The following TENT2 variants were observed in gnomAD, a reference collection of about 807,000 sequenced individuals.
The protein encoded by TENT2 is poly(A) RNA polymerase GLD2.
Under a neutral mutation model 72.2 loss-of-function variants are expected in TENT2, and 44 were observed. The observed-to-expected ratio is 0.61, with a 90% CI of 0.48 to 0.78. The LOEUF (loss-of-function observed/expected upper bound fraction) is 0.78, where lower values mean the gene tolerates loss of function less well. Among genes scored for constraint, TENT2 ranks in the 30% least tolerant of loss-of-function variants. The pLI is 0.00. For missense variants in TENT2, 541 were observed against 569.6 expected (o/e 0.95, Z 0.51); for synonymous variants, 212 against 192.5 (o/e 1.10, Z -0.84).
chr5:79,613,874 G>A (rs1467469264), intron 1 of TENT2: 1 of 152,150 alleles, frequency 6.6e-6, no homozygotes, highest in Non-Finnish European at 1.5e-5. Flanking sequence ...GATATCAAAG[G>A]TATTTGGACA....
Position 79,612,584 on chromosome 5 carries a change from C to A in TENT2, c.-529C>A, listed in dbSNP as rs1158204604. 1 of 153,172 alleles carries A rather than the reference C, an allele frequency of 6.5e-6. No individual in the cohort carries two copies. The highest frequency in any genetic ancestry group is 2.4e-5 in the African/African-American group (1 of 41,434). 9.5% of individuals were successfully genotyped at this position (153,172 alleles called of 1,614,324 possible). ...CCCTACCTTTTCTTGTGTTGCTCCTCCCCTGGCAGCCGTGAGGGGGGTTAG... is the reference window on the plus strand; with the variant it reads ...CCCTACCTTTTCTTGTGTTGCTCCTACCCTGGCAGCCGTGAGGGGGGTTAG... On this transcript the variant is annotated 5_prime_UTR_variant, in exon 1 of 15. Coordinates refer to ENST00000453514, the MANE Select transcript of TENT2 (RefSeq NM_001114394.3).
Position 79,620,093 on chromosome 5 carries a change from T to A in TENT2, c.227+10T>A. On this transcript the variant is annotated intron_variant, in intron 3 of 14. Transcript: ENST00000453514. Reference sequence around the variant, plus strand: ...TATTTCGAGGAAGGAAGTAAGTACTTCTTAATTATTTTAAAAGAATATTTT... The same window carrying A: ...TATTTCGAGGAAGGAAGTAAGTACTACTTAATTATTTTAAAAGAATATTTT... 1 of 1,552,710 alleles carries A rather than the reference T, an allele frequency of 6.4e-7. No homozygotes were observed. The highest frequency in any genetic ancestry group is 8.9e-7 in the Non-Finnish European group (1 of 1,128,958).
At chr5:79,619,045 G>A (rs1762694580) in intron 1 of TENT2, among the ~76,000 whole-genome samples, 1 of 152,170 alleles carries the variant, frequency 6.6e-6, no homozygotes, top group Non-Finnish European at 1.5e-5. Flanking sequence ...CTGGATCAGT[G>A]AAGGATTCTG....
intron 12 of TENT2, among the ~76,000 whole-genome samples, chr5:79,669,995 G>A (rs537427729): frequency 1.3e-5 from 2 of 151,940 alleles, no homozygotes; most frequent in African/African-American, 4.8e-5. Flanking sequence ...TTGGGAGGCC[G>A]AGGCAGGTGA....
intron 4 of TENT2, among the ~76,000 whole-genome samples, chr5:79,634,417 A>G (rs1055958974): frequency 6.6e-6 from 1 of 151,904 alleles, no homozygotes; most frequent in African/African-American, 2.4e-5. Context: ...ACTCACTGCA[A>G]CCTCTGCCTC....
rs112573431 is a variant in TENT2, at chr5:79,683,076, C to G, written c.1380+1015C>G. Among the ~76,000 whole-genome samples the G allele has an allele frequency of 4.7e-3, 713 of 151,942 alleles. 12 individuals are homozygous for G. Among genetic ancestry groups the G allele is most frequent in the African/African-American group, 0.016 (677 of 41,420 alleles). ...ATGAGTATCACTGGAACCAGGAGTT[C>G]GAGGCTGCAGTGGGCTATTATCAAG... On this transcript the variant is annotated intron_variant, in intron 14 of 14. Coordinates refer to ENST00000453514, the MANE Select transcript of TENT2 (RefSeq NM_001114394.3).
chr5:79,660,065 A>C (rs925216611), intron 11 of TENT2, among the ~76,000 whole-genome samples: 1 of 152,148 alleles, frequency 6.6e-6, no homozygotes, highest in Non-Finnish European at 1.5e-5. Flanking sequence ...CAGTTTTGGA[A>C]TGGAATAAAT....
rs1791220899 is a variant in TENT2 at position 79,648,804 on chromosome 5, C to T, written c.898+111C>T. The T allele has an allele frequency of 4.5e-6, 4 of 879,200 alleles. No individual in the cohort carries two copies. In the East Asian group the frequency reaches 1.1e-4, roughly 23 times the overall value. The allele number at this position is 879,200 out of a possible 1,614,324, so 54.5% of individuals were successfully genotyped here. ...TTAGTTGTGTTTAAGTATAGTGTAT[C>T]TTATTTTATTTGTATATGTTGCTAC... On this transcript the variant is annotated intron_variant, in intron 9 of 14. Transcript: ENST00000453514.
At position 79,679,668 on chromosome 5, in the gene TENT2, A is replaced by T; in HGVS notation, c.1298A>T (p.Glu433Val). The T allele has an allele frequency of 6.5e-7, 1 of 1,545,922 alleles. No individual in the cohort carries two copies. The highest frequency in any genetic ancestry group is 8.8e-7 in the Non-Finnish European group (1 of 1,142,764). ...TGGAGAAATAAATACATCTGTGTAGAAGGTAGTTTTCTGTTTACCATCTAC... is the reference window on the plus strand; with the variant it reads ...TGGAGAAATAAATACATCTGTGTAGTAGGTAGTTTTCTGTTTACCATCTAC... ...IEWRNKYICV[E>V]EPFDGTNTAR... The change falls in exon 13 of 15, where the codon GAA (glutamate) becomes GTA (valine). Residue 433 changes from glutamate (E) to valine (V), a missense_variant and splice_region_variant. Coordinates refer to ENST00000453514, the MANE Select transcript of TENT2 (RefSeq NM_001114394.3).
chr5:79,673,655 C>CT (rs940057575), intron 12 of TENT2, among the ~76,000 whole-genome samples: 1 of 151,960 alleles, frequency 6.6e-6, no homozygotes, highest in African/African-American at 2.4e-5. Context: ...GTCTATGTGT[C>CT]TGTTTTTATG....
Position 79,623,427 on chromosome 5 carries a change from C to T in TENT2, c.403C>T (p.Pro135Ser). ...ACCAGATATAGTCAGATGTGTTCCACCTTTTCGAGAAATTGCATTTTTAGA... is the reference window on the plus strand; with the variant it reads ...ACCAGATATAGTCAGATGTGTTCCATCTTTTCGAGAAATTGCATTTTTAGA... ...YVPDIVRCVP[P>S]FREIAFLEPR... The change falls in exon 4 of 15, where the codon CCT becomes TCT. Residue 135 changes from proline to serine, a missense_variant. Transcript: ENST00000453514. The T allele has an allele frequency of 1.2e-6, 2 of 1,611,552 alleles. No individual in the cohort carries two copies. Among genetic ancestry groups the T allele is most frequent in the Non-Finnish European group, 1.7e-6 (2 of 1,178,814 alleles).
intron 11 of TENT2, among the ~76,000 whole-genome samples, chr5:79,662,661 T>C (rs910487404): frequency 2.0e-5 from 3 of 152,164 alleles, no homozygotes; most frequent in Non-Finnish European, 4.4e-5. Context: ...AAATATTCAG[T>C]GTACCGTGCT....
rs111569365 is a variant in TENT2, at chr5:79,644,980, A to G, written c.752-143A>G. ...GCCTCCAACCTTAGAAGAATTTGAT[A>G]ATGTCCTCACTTGTATTCTTTTTCA... On this transcript the variant is annotated intron_variant, in intron 7 of 14. Transcript: ENST00000453514. 2.9e-4 allele frequency: 175 copies of G among 607,612 alleles called. 2 individuals are homozygous for G. The highest frequency in any genetic ancestry group is 2.8e-3 in the African/African-American group (147 of 51,784). 37.6% of individuals were successfully genotyped at this position (607,612 alleles called of 1,614,324 possible). A position where few individuals can be genotyped will look rare whatever the true frequency, so the allele number is the denominator to read the frequency against.
At chr5:79,623,015 C>T (rs1191868720) in intron 3 of TENT2, among the ~76,000 whole-genome samples, 1 of 151,842 alleles carries the variant, frequency 6.6e-6, no homozygotes, top group Non-Finnish European at 1.5e-5. Flanking sequence ...AGACTAACCT[C>T]AATATATACA....
chr5:79,645,430 G>A (rs946640442), intron 8 of TENT2, among the ~76,000 whole-genome samples: 2 of 152,058 alleles, frequency 1.3e-5, no homozygotes, highest in Non-Finnish European at 2.9e-5. Flanking sequence ...AATTTAAAGA[G>A]TACATATTTG....
intron 14 of TENT2, among the ~76,000 whole-genome samples, chr5:79,682,600 G>A (rs956025372): frequency 2.6e-5 from 4 of 151,870 alleles, no homozygotes; most frequent in African/African-American, 4.8e-5. Flanking sequence ...AAGCATTTTC[G>A]TAGTGAGCTT....
chr5:79,651,906 A>G (rs73121430), intron 10 of TENT2, among the ~76,000 whole-genome samples: 3,699 of 152,198 alleles, frequency 0.024, 150 homozygotes, highest in African/African-American at 0.085. Flanking sequence ...TTCTTGACAG[A>G]ATATAATCTT....
rs1297139683 is a variant in TENT2, at chr5:79,631,426, A to G, written c.465+7937A>G. On this transcript the variant is annotated intron_variant, in intron 4 of 14. Coordinates refer to ENST00000453514, the MANE Select transcript of TENT2 (RefSeq NM_001114394.3). ...AGAAGCTTTTGAAGCATCAGAGTGGATATTTAGCATTGATAGTTGAATATA... is the reference window on the plus strand; with the variant it reads ...AGAAGCTTTTGAAGCATCAGAGTGGGTATTTAGCATTGATAGTTGAATATA... Among the ~76,000 whole-genome samples, 3 of 152,196 alleles carry G rather than the reference A, an allele frequency of 2.0e-5. No individual in the cohort carries two copies. The East Asian group carries it at 5.8e-4, about 29-fold the overall frequency.
chr5:79,624,987 G>A (rs1376597968), intron 4 of TENT2, among the ~76,000 whole-genome samples: 1 of 152,144 alleles, frequency 6.6e-6, no homozygotes, highest in African/African-American at 2.4e-5. Context: ...TTCTAAAGTG[G>A]TTGCACCATT....
Sources: gnomAD v4.1 joint callset for allele counts (sites outside exome capture counted in the v4.1 genomes callset) on GRCh38, gnomAD v4.1.1 for gene constraint, MANE v1.5 for transcripts, NCBI Gene and HGNC (gene_info 2026-07-23, HGNC 2026-07-21) for gene names.